Variants in SCN9A observed in about 807,000 individuals in gnomAD.
SCN9A encodes the protein sodium channel protein type 9 subunit alpha.
A neutral mutation model predicts 187.0 loss-of-function variants in SCN9A; 131 were observed. The observed-to-expected ratio is 0.70, with a 90% CI of 0.61 to 0.81. The LOEUF (loss-of-function observed/expected upper bound fraction) is 0.81. Ranked by LOEUF, SCN9A falls within the 30% of genes least tolerant of loss-of-function variation. The probability of loss-of-function intolerance (pLI) is 0.00; values close to 1 mark genes in which losing one functional copy is unlikely to be tolerated. For synonymous variants in SCN9A, 809 were observed against 808.6 expected, an observed-to-expected ratio of 1.00 and a Z score of -0.01; for missense variants, 2,252 against 2,396.6, an observed-to-expected ratio of 0.94 and a Z score of 1.26.
intron 15 of SCN9A, 158 bp downstream of exon 15, chr2:166,277,978 GTTCT>G (rs1697312227): frequency 1.8e-6 from 1 of 553,904 alleles, no homozygotes; most frequent in Admixed American, 3.7e-5. Flanking sequence ...TGTGGTTTTA[GTTCT>G]TTAAGTGCAT....
chr2:166,201,952 T>C (rs1574701132), intron 26 of SCN9A, among the ~76,000 whole-genome samples: 1 of 151,836 alleles, frequency 6.6e-6, no homozygotes, highest in African/African-American at 2.4e-5. Context: ...GTTTTGTTAT[T>C]TTGTATCCTT....
rs201709980 is a variant in SCN9A, at chr2:166,280,571, C to T, written c.2129G>A (p.Cys710Tyr). 85 of 1,582,796 alleles carry T rather than the reference C, an allele frequency of 5.4e-5. No individual in the cohort carries two copies. The highest frequency in any genetic ancestry group is 6.5e-5 in the Non-Finnish European group (75 of 1,162,264). The change falls in exon 14 of 27, where the codon TGT (cysteine) becomes TAT (tyrosine). Residue 710 changes from cysteine to tyrosine, a missense_variant. This residue lies in a region of SCN9A where 1,013 missense variants were observed against 997.4 expected (regional missense o/e 1.02). Coordinates refer to ENST00000642356, the MANE Select transcript of SCN9A (RefSeq NM_001365536.1). ...VEELEESRQK[C>Y]PPWWYRFAHK... ...TGCAAATCTGTACCACCAAGGTGGA[C>T]ATTTTTGTCTGGACTCTTCAAGTTC...
At chr2:166,348,400 T>A (rs1201739617) in intron 1 of SCN9A, among the ~76,000 whole-genome samples, 1 of 152,144 alleles carries the variant, frequency 6.6e-6, no homozygotes, top group African/African-American at 2.4e-5. Context: ...ATTTACTCCC[T>A]GGGAACTCAG....
At chr2:166,339,410 A>G (rs1265634328) in intron 1 of SCN9A, among the ~76,000 whole-genome samples, 1 of 152,164 alleles carries the variant, frequency 6.6e-6, no homozygotes, top group Non-Finnish European at 1.5e-5. Flanking sequence ...TAAATTTTTA[A>G]TTTAGATCTT....
At chr2:166,366,267 C>G (rs1217374563) in intron 1 of SCN9A, among the ~76,000 whole-genome samples, 2 of 152,214 alleles carry the variant, frequency 1.3e-5, no homozygotes, top group East Asian at 3.8e-4. Context: ...ATATCTGTCA[C>G]TGTCAAAAGT....
At chr2:166,208,897 AG>A (rs1693945436) in intron 24 of SCN9A, among the ~76,000 whole-genome samples, 2 of 152,220 alleles carry the variant, frequency 1.3e-5, no homozygotes, top group South Asian at 4.1e-4. Context: ...CATCCTTTCT[AG>A]GGGCTAATTT....
In SCN9A at chr2:166,233,432, G is replaced by C. The variant is rs180922748; in HGVS notation, c.3832C>G (p.Leu1278Val). Reference protein sequence around the residue: ...VSLVTLVANTLGYSDLGPIKS... With the variant: ...VSLVTLVANTVGYSDLGPIKS... ...ATGGGGCCAAGATCTGAGTAGCCAA[G>C]AGTGTTTGCCACTAAAGTAACCAAA... Residue 1278 changes from leucine (L) to valine (V), a missense_variant, in exon 21 of 27, where the codon CTT (leucine) becomes GTT (valine). Transcript: ENST00000642356. The C allele has an allele frequency of 2.1e-3, 3,312 of 1,576,608 alleles. 9 individuals carry two copies. The highest frequency in any genetic ancestry group is 2.6e-3 in the Non-Finnish European group (3,026 of 1,167,400).
chr2:166,340,602 CTTT>C (rs112373468), intron 1 of SCN9A, among the ~76,000 whole-genome samples: 16 of 40,210 alleles, frequency 4.0e-4, no homozygotes, highest in African/African-American at 1.8e-3. Flanking sequence ...TTCTTTCTTT[CTTT>C]TTCTTTCTTT....
intron 12 of SCN9A, 61 bp from the exon 13 acceptor site, chr2:166,281,869 T>TA (rs1279165771): frequency 6.7e-7 from 1 of 1,499,904 alleles, no homozygotes; most frequent in African/African-American, 1.4e-5. Context: ...AGGTATAAGA[T>TA]AAAATCTTGC....
At chr2:166,209,771 C>T (rs13025279) in intron 24 of SCN9A, among the ~76,000 whole-genome samples, 4,665 of 151,554 alleles carry the variant, frequency 0.031, 133 homozygotes, top group Middle Eastern at 0.058. Context: ...CATCTCATAC[C>T]AGTTAGAATG....
chr2:166,279,604 A>C (rs1697386394), intron 14 of SCN9A, among the ~76,000 whole-genome samples: 1 of 152,050 alleles, frequency 6.6e-6, no homozygotes, highest in African/African-American at 2.4e-5. Flanking sequence ...TGAGTCTTCT[A>C]TGTCCAGTTC....
chr2:166,341,887 A>G (rs763826888), intron 1 of SCN9A, among the ~76,000 whole-genome samples: 2 of 152,218 alleles, frequency 1.3e-5, no homozygotes, highest in Non-Finnish European at 2.9e-5. Flanking sequence ...CATTTCATTC[A>G]GGAAATACAA....
At chr2:166,290,052 G>A (rs549884737) in intron 9 of SCN9A, among the ~76,000 whole-genome samples, 23 of 152,140 alleles carry the variant, frequency 1.5e-4, no homozygotes, top group Non-Finnish European at 2.6e-4. Context: ...TTGTCCTAAC[G>A]TTCTCCCTCC....
intron 23 of SCN9A, 52 bp from the exon 24 acceptor site, chr2:166,226,756 T>G: frequency 7.2e-7 from 1 of 1,393,698 alleles, no homozygotes; most frequent in South Asian, 1.5e-5. Context: ...TTCATTATTT[T>G]CTTTTTCACA....
At chr2:166,295,329 G>T (rs1441894128) in intron 7 of SCN9A, among the ~76,000 whole-genome samples, 2 of 152,140 alleles carry the variant, frequency 1.3e-5, no homozygotes, top group African/African-American at 4.8e-5. Flanking sequence ...TTAAAGGTAC[G>T]GTCATGTGTC....
At chr2:166,224,998 A>G (rs573726543) in intron 24 of SCN9A, among the ~76,000 whole-genome samples, 3 of 152,268 alleles carry the variant, frequency 2.0e-5, no homozygotes, top group East Asian at 1.9e-4. Flanking sequence ...ATAAACATCA[A>G]TCTCCTGCTT....
At position 166,198,705 on chromosome 2, in the gene SCN9A, G is replaced by T; in HGVS notation, c.5934C>A (p.Asp1978Glu). ...KYEQDRTEKE[D>E]KGKDSKESKK Reference sequence around the variant, plus strand: ...TGCTTTCCTTGCTGTCTTTCCCTTTGTCTTCCTTTTCTGTTCTGTCTTGTT... The same window carrying T: ...TGCTTTCCTTGCTGTCTTTCCCTTTTTCTTCCTTTTCTGTTCTGTCTTGTT... Residue 1978 changes from aspartate (D) to glutamate (E), a missense_variant, in exon 27 of 27, where the codon GAC becomes GAA. By Grantham distance (45) the Asp-to-Glu change is conservative (BLOSUM62 2). Around this residue, in one of 7 missense-constraint regions of SCN9A, gnomAD observed 345 missense variants for 344.6 expected, o/e 1.00. Coordinates refer to ENST00000642356, the MANE Select transcript of SCN9A (RefSeq NM_001365536.1). 1 of 1,606,864 alleles carries T rather than the reference G, an allele frequency of 6.2e-7. No individual in the cohort carries two copies.
chr2:166,257,801 T>A (rs1696343419), intron 17 of SCN9A, among the ~76,000 whole-genome samples: 1 of 151,552 alleles, frequency 6.6e-6, no homozygotes, highest in Non-Finnish European at 1.5e-5. Context: ...ATTGGGTGTA[T>A]ATGCATCCTT....
chr2:166,230,796 A>G (rs1695049546), intron 21 of SCN9A, among the ~76,000 whole-genome samples: 1 of 152,070 alleles, frequency 6.6e-6, no homozygotes, highest in Non-Finnish European at 1.5e-5. Flanking sequence ...ACAACACCTG[A>G]CACATAGTTG....
Sources: gnomAD v4.1 joint callset for allele counts (sites outside exome capture counted in the v4.1 genomes callset) on GRCh38, gnomAD v4.1.1 for gene constraint, gnomAD v4.1.1 regional missense constraint, MANE v1.5 for transcripts, NCBI Gene and HGNC (gene_info 2026-07-23, HGNC 2026-07-21) for gene names.